LARGE1: variants seen among roughly 807,000 people sequenced by gnomAD.
The protein encoded by LARGE1 is xylosyl- and glucuronyltransferase LARGE1.
LARGE1 carries 43 observed loss-of-function variants against 87.6 expected under a neutral mutation model. That is an observed-to-expected ratio of 0.49 (90% CI 0.38 to 0.63). LARGE1 has a LOEUF of 0.63. Among genes scored for constraint, LARGE1 ranks in the 30% least tolerant of loss-of-function variants. The probability of loss-of-function intolerance (pLI) is 0.00; values close to 1 mark genes in which losing one functional copy is unlikely to be tolerated. For missense variants in LARGE1, 802 were observed against 1,000.2 expected (o/e 0.80, Z 2.67); for synonymous variants, 434 against 394.6 (o/e 1.10, Z -1.18).
At chr22:33,433,607 C>CAA (rs57605083) in intron 6 of LARGE1, among the ~76,000 whole-genome samples, 103 of 88,204 alleles carry the variant, frequency 1.2e-3, no homozygotes, top group African/African-American at 1.9e-3. Flanking sequence ...AAAAACAAAA[C>CAA]AAAAAAAAAA....
intron 1 of LARGE1, among the ~76,000 whole-genome samples, chr22:33,875,693 G>C (rs1235127303): frequency 2.0e-5 from 3 of 152,226 alleles, no homozygotes; most frequent in Non-Finnish European, 4.4e-5. Flanking sequence ...CACTTTGGTG[G>C]GAGGAAGCCG....
intron 6 of LARGE1, among the ~76,000 whole-genome samples, chr22:33,502,720 C>T (rs954231681): frequency 6.6e-6 from 1 of 152,048 alleles, no homozygotes; most frequent in East Asian, 1.9e-4. Flanking sequence ...AGGCGCCTGC[C>T]ACCACGCCTG....
intron 2 of LARGE1, among the ~76,000 whole-genome samples, chr22:33,754,544 G>A (rs1430059180): frequency 1.3e-5 from 2 of 151,988 alleles, no homozygotes; most frequent in Non-Finnish European, 2.9e-5. Flanking sequence ...CACCGTATTC[G>A]CCAGGATGGT....
At chr22:33,681,742 T>C (rs1469128773) in intron 2 of LARGE1, among the ~76,000 whole-genome samples, 5 of 152,238 alleles carry the variant, frequency 3.3e-5, no homozygotes, top group Non-Finnish European at 7.3e-5. Flanking sequence ...CTGGGGTTTC[T>C]GTGTTTTCTA....
chr22:33,373,493 C>T (rs1157671341), intron 9 of LARGE1, among the ~76,000 whole-genome samples: 1 of 152,156 alleles, frequency 6.6e-6, no homozygotes, highest in Admixed American at 6.5e-5. Flanking sequence ...TTTTCAGATT[C>T]ATGTCTCAGA....
At chr22:33,568,170 C>T (rs1389082645) in intron 5 of LARGE1, among the ~76,000 whole-genome samples, 1 of 152,158 alleles carries the variant, frequency 6.6e-6, no homozygotes, top group Admixed American at 6.5e-5. Context: ...AGTAAGGCCA[C>T]CTGGCTGAGG....
chr22:33,181,988 A>G (rs1923196934), intron 11 of LARGE1, among the ~76,000 whole-genome samples: 1 of 151,816 alleles, frequency 6.6e-6, no homozygotes, highest in Non-Finnish European at 1.5e-5. Context: ...ACACCCGGCT[A>G]ATTTTTGTAT....
At chr22:33,634,459 T>G (rs1269868954) in intron 3 of LARGE1, among the ~76,000 whole-genome samples, 1 of 152,130 alleles carries the variant, frequency 6.6e-6, no homozygotes, top group Non-Finnish European at 1.5e-5. Context: ...GTGATTATTT[T>G]GAGAGAGTAC....
intron 2 of LARGE1, among the ~76,000 whole-genome samples, chr22:33,663,127 T>G (rs2081177604): frequency 6.6e-6 from 1 of 152,172 alleles, no homozygotes; most frequent in Admixed American, 6.5e-5. Flanking sequence ...GAATGAGGAA[T>G]GAGGTTTTAT....
At chr22:33,602,093 G>C (rs1368581326) in intron 5 of LARGE1, among the ~76,000 whole-genome samples, 1 of 152,110 alleles carries the variant, frequency 6.6e-6, no homozygotes, top group Non-Finnish European at 1.5e-5. Context: ...GCTACAAGTG[G>C]AATGAAGCAT....
rs2064395248 is a variant in LARGE1 at position 33,361,748 on chromosome 22, C to CTCCTCTTTAGAGTCCT, written c.1131+20170_1131+20171insAGGACTCTAAAGAGGA. Among the ~76,000 whole-genome samples, 2 of 149,768 alleles carry CTCCTCTTTAGAGTCCT rather than the reference C, an allele frequency of 1.3e-5. 1 individual carries two copies. The highest frequency in any genetic ancestry group is 4.9e-5 in the African/African-American group (2 of 40,734). On this transcript the variant is annotated intron_variant, in intron 9 of 14. Transcript: ENST00000397394. ...TCAGAGTCCCTCCTCTTTAGAGTCC[C>CTCCTCTTTAGAGTCCT]TCCTCTTTAGAGTCCCTCCTCTTGC...
chr22:33,103,171 C>T, the LARGE1 span, among the ~76,000 whole-genome samples: 2 of 152,176 alleles, frequency 1.3e-5, no homozygotes, highest in African/African-American at 4.8e-5. Context: ...CGTTGGCTCA[C>T]GCCTGTAATC....
At chr22:33,309,118 T>C (rs1043603749) in intron 11 of LARGE1, among the ~76,000 whole-genome samples, 4 of 151,814 alleles carry the variant, frequency 2.6e-5, no homozygotes, top group Admixed American at 1.3e-4. Flanking sequence ...AGAGGTTTGA[T>C]TGGGGGGTGA....
rs530130136 is a variant in LARGE1, at chr22:33,242,743, C to T, written c.1730+61486G>A. ...GGGCTGCTGTAACAAAGTACCACAA[C>T]TGGTGGCATATCAACAGAAAAGTAT... On this transcript the variant is annotated intron_variant, in intron 11 of 11. Transcript: ENST00000608642. Among the ~76,000 whole-genome samples the T allele has an allele frequency of 7.1e-4, 108 of 152,294 alleles. 1 individual carries two copies. The highest frequency in any genetic ancestry group is 1.4e-3 in the Non-Finnish European group (92 of 68,030).
intron 9 of LARGE1, among the ~76,000 whole-genome samples, chr22:33,356,089 T>C (rs1940867176): frequency 1.3e-5 from 2 of 152,230 alleles, no homozygotes; most frequent in Non-Finnish European, 2.9e-5. Flanking sequence ...TAGAACTGTT[T>C]GGACATACAC....
At chr22:33,751,785 T>G (rs79562230) in intron 2 of LARGE1, among the ~76,000 whole-genome samples, 1 of 151,904 alleles carries the variant, frequency 6.6e-6, no homozygotes, top group Non-Finnish European at 1.5e-5. Context: ...TTTTTTTTTT[T>G]AAGACAGAGT....
At chr22:33,451,989 CCT>C (rs1211643807) in intron 6 of LARGE1, among the ~76,000 whole-genome samples, 4 of 152,210 alleles carry the variant, frequency 2.6e-5, no homozygotes, top group African/African-American at 9.6e-5. Context: ...CACCCAGGTT[CCT>C]CTTCACAAGG....
At chr22:33,162,215 C>T (rs1448974603), downstream of LARGE1, 7 of 152,088 alleles carry the variant, frequency 4.6e-5, no homozygotes, top group South Asian at 2.1e-4. Flanking sequence ...AAGAACTGCC[C>T]GAGACTGCAT....
rs545946899 is a variant in LARGE1 at position 33,333,737 on chromosome 22, CTTA to C, written c.1287+3906_1287+3908del. ...TGAACAGTACAAAGTCTTTAAGAGTCTTATGTTTTGGTATTACATTTATGAAAA... is the reference window on the plus strand; with the variant it reads ...TGAACAGTACAAAGTCTTTAAGAGTCTGTTTTGGTATTACATTTATGAAAA... On this transcript the variant is annotated intron_variant, in intron 10 of 14. Coordinates refer to ENST00000397394, the MANE Select transcript of LARGE1 (RefSeq NM_133642.5). 3.9e-5 allele frequency among the ~76,000 whole-genome samples: 6 copies of C among 152,278 alleles called. No homozygotes were observed. The East Asian group carries it at 1.2e-3, about 29-fold the overall frequency.
Sources: gnomAD v4.1 joint callset for allele counts (sites outside exome capture counted in the v4.1 genomes callset) on GRCh38, gnomAD v4.1.1 for gene constraint, MANE v1.5 for transcripts, NCBI Gene and HGNC (gene_info 2026-07-23, HGNC 2026-07-21) for gene names.